Variants in BRINP3 observed in about 807,000 individuals in gnomAD.
BRINP3 encodes the protein BMP/retinoic acid inducible neural specific 3, also known as BMP/retinoic acid-inducible neural-specific protein 3.
Under a neutral mutation model 71.0 loss-of-function variants are expected in BRINP3, and 19 were observed. The observed-to-expected ratio is 0.27, with a 90% CI of 0.19 to 0.39. The LOEUF (loss-of-function observed/expected upper bound fraction) is 0.39. Among genes scored for constraint, BRINP3 ranks in the 10% least tolerant of loss-of-function variants. BRINP3 has a pLI of 1.00. For missense variants in BRINP3, 959 were observed against 940.8 expected, an observed-to-expected ratio of 1.02 and a Z score of -0.25; for synonymous variants, 380 against 337.7, an observed-to-expected ratio of 1.13 and a Z score of -1.37.
chr1:190,106,939 T>G (rs1261524622), intron 7 of BRINP3, among the ~76,000 whole-genome samples: 1 of 151,862 alleles, frequency 6.6e-6, no homozygotes, highest in Non-Finnish European at 1.5e-5. Flanking sequence ...CTTCCAAAAG[T>G]GGTACAATTT....
chr1:190,174,064 TC>T (rs1156668712), intron 6 of BRINP3, among the ~76,000 whole-genome samples: 1 of 152,192 alleles, frequency 6.6e-6, no homozygotes, highest in African/African-American at 2.4e-5. Context: ...AGCAGATTTC[TC>T]CTGATACACT....
At chr1:190,425,207 C>T (rs1321630380) in intron 2 of BRINP3, among the ~76,000 whole-genome samples, 1 of 151,402 alleles carries the variant, frequency 6.6e-6, no homozygotes, top group African/African-American at 2.4e-5. Context: ...AACCTATGAA[C>T]TAAAAGTGTT....
chr1:190,472,122 A>G (rs1677176543), intron 1 of BRINP3, among the ~76,000 whole-genome samples: 1 of 151,626 alleles, frequency 6.6e-6, no homozygotes, highest in Non-Finnish European at 1.5e-5. Flanking sequence ...TTTTGTTTTC[A>G]TAACATATTT....
intron 2 of BRINP3, among the ~76,000 whole-genome samples, chr1:190,428,301 C>T (rs971381550): frequency 7.2e-5 from 11 of 151,816 alleles, no homozygotes; most frequent in African/African-American, 2.7e-4. Context: ...TTAACAGCAA[C>T]AATAGAAAAC....
At chr1:190,253,503 A>T (rs1245993508) in intron 4 of BRINP3, among the ~76,000 whole-genome samples, 1 of 152,018 alleles carries the variant, frequency 6.6e-6, no homozygotes, top group Non-Finnish European at 1.5e-5. Flanking sequence ...TGTGGTTTTC[A>T]TTTGTGTTTC....
intron 2 of BRINP3, among the ~76,000 whole-genome samples, chr1:190,416,677 C>A (rs1267962715): frequency 6.6e-6 from 1 of 151,868 alleles, no homozygotes; most frequent in Non-Finnish European, 1.5e-5. Context: ...ATAAATATAC[C>A]CTAGTCACCG....
chr1:190,147,105 G>A (rs192963356), intron 7 of BRINP3, among the ~76,000 whole-genome samples: 7 of 151,868 alleles, frequency 4.6e-5, no homozygotes, highest in Non-Finnish European at 1.0e-4. Flanking sequence ...TATTTATTCT[G>A]TAGCTAGCAA....
Position 190,212,185 on chromosome 1 carries a change from C to G in BRINP3, c.961+13897G>C, listed in dbSNP as rs12036456. The stretch of plus-strand genomic sequence containing the variant: ...AAATACAAGCATGATTGTCAAAAAC[C>G]TTTACCCATGAGAAGGCAATTATAT... On this transcript the variant is annotated intron_variant, in intron 6 of 7. Transcript: ENST00000367462. 3.3e-3 allele frequency among the ~76,000 whole-genome samples: 507 copies of G among 152,104 alleles called. 24 individuals are homozygous for G. The East Asian group carries it at 0.078, about 24-fold the overall frequency.
intron 6 of BRINP3, among the ~76,000 whole-genome samples, chr1:190,171,772 A>T (rs1652029920): frequency 6.6e-6 from 1 of 152,060 alleles, no homozygotes; most frequent in African/African-American, 2.4e-5. Context: ...CCTGTCAGTT[A>T]TTTTGCTCTA....
At chr1:190,316,640 T>G (rs1665901675) in intron 2 of BRINP3, among the ~76,000 whole-genome samples, 1 of 152,102 alleles carries the variant, frequency 6.6e-6, no homozygotes. Context: ...ACAGCCTCAG[T>G]GCTATAATGC....
chr1:190,216,048 A>G (rs893996548), intron 6 of BRINP3, among the ~76,000 whole-genome samples: 2 of 151,464 alleles, frequency 1.3e-5, no homozygotes, highest in African/African-American at 2.4e-5. Context: ...ATAACTCAGA[A>G]AGTTATTTGG....
chr1:190,266,575 A>G (rs1303875634), intron 3 of BRINP3, among the ~76,000 whole-genome samples: 1 of 152,188 alleles, frequency 6.6e-6, no homozygotes, highest in African/African-American at 2.4e-5. Flanking sequence ...CAGCTAAAAG[A>G]GAAAAAGAAT....
chr1:190,433,967 G>A (rs971932575), intron 2 of BRINP3, among the ~76,000 whole-genome samples: 2 of 151,962 alleles, frequency 1.3e-5, no homozygotes, highest in African/African-American at 2.4e-5. Flanking sequence ...GGTTTTCTGC[G>A]AAATTAGTTA....
At chr1:190,313,077 C>A (rs1212991925) in intron 2 of BRINP3, among the ~76,000 whole-genome samples, 1 of 151,566 alleles carries the variant, frequency 6.6e-6, no homozygotes, top group East Asian at 1.9e-4. Flanking sequence ...ATGACGACTA[C>A]AAATTACAAG....
chr1:190,421,175 A>G (rs1297569276), intron 2 of BRINP3, among the ~76,000 whole-genome samples: 1 of 151,680 alleles, frequency 6.6e-6, no homozygotes, highest in South Asian at 2.1e-4. Flanking sequence ...ATATGTATTC[A>G]CAACAATTGT....
At chr1:190,436,212 A>G (rs1269765787) in intron 2 of BRINP3, among the ~76,000 whole-genome samples, 1 of 151,974 alleles carries the variant, frequency 6.6e-6, no homozygotes, top group African/African-American at 2.4e-5. Context: ...CTTAAATATG[A>G]GGACATCATT....
intron 2 of BRINP3, chr1:190,342,543 G>T (rs1667733682): frequency 1.4e-5 from 2 of 144,846 alleles, no homozygotes; most frequent in South Asian, 2.3e-4. Flanking sequence ...GTAGGCACTT[G>T]CCCATATATA....
intron 5 of BRINP3, among the ~76,000 whole-genome samples, chr1:190,229,847 A>C (rs923479927): frequency 4.7e-4 from 72 of 152,144 alleles, no homozygotes; most frequent in African/African-American, 1.6e-3. Context: ...AACAGAATTC[A>C]ATAAAATATG....
At chr1:190,457,653 T>C (rs1676092218) in intron 1 of BRINP3, among the ~76,000 whole-genome samples, 2 of 152,156 alleles carry the variant, frequency 1.3e-5, no homozygotes, top group Non-Finnish European at 2.9e-5. Flanking sequence ...TAAGGACATG[T>C]GGTAAAGTTT....
Sources: allele counts gnomAD v4.1 joint callset (sites outside exome capture counted in the v4.1 genomes callset), GRCh38; gene constraint gnomAD v4.1.1; transcripts MANE v1.5; gene names NCBI Gene and HGNC (gene_info 2026-07-23, HGNC 2026-07-21).